TDP1: variants seen among roughly 807,000 people sequenced by gnomAD.
TDP1 encodes the protein tyr-DNA phosphodiesterase 1.
In TDP1, 64 loss-of-function variants were observed where a neutral mutation model predicts 81.5. That is an observed-to-expected ratio of 0.79 (90% CI 0.64 to 0.97). TDP1 has a LOEUF of 0.97. TDP1 is among the 50% of genes least tolerant of loss of function. TDP1 has a pLI of 0.00. For missense variants in TDP1, 723 were observed against 743.8 expected, an observed-to-expected ratio of 0.97 and a Z score of 0.33; for synonymous variants, 256 against 264.3, an observed-to-expected ratio of 0.97 and a Z score of 0.30.
chr14:90,027,291 C>A (rs1402199354), intron 15 of TDP1, among the ~76,000 whole-genome samples: 3 of 151,966 alleles, frequency 2.0e-5, no homozygotes, highest in Non-Finnish European at 4.4e-5. Context: ...ATGAACTGAC[C>A]CTTCCCTCCC....
At chr14:89,979,796 C>CCT (rs1894772481) in intron 7 of TDP1, among the ~76,000 whole-genome samples, 1 of 152,000 alleles carries the variant, frequency 6.6e-6, no homozygotes, top group Non-Finnish European at 1.5e-5. Context: ...TATCCTATTC[C>CCT]CTCTCTCTCA....
intron 16 of TDP1, among the ~76,000 whole-genome samples, chr14:90,041,872 G>A (rs1248602055): frequency 1.3e-5 from 2 of 152,200 alleles, no homozygotes; most frequent in East Asian, 3.9e-4. Flanking sequence ...CATCAGTTAA[G>A]ATGAAGAAAA....
chr14:90,009,472 A>AT lies in TDP1; in HGVS notation c.1542-9842dup, dbSNP rs1404551352. 5.9e-5 allele frequency among the ~76,000 whole-genome samples: 9 copies of AT among 152,154 alleles called. 1 individual carries two copies. The highest frequency in any genetic ancestry group is 2.2e-4 in the African/African-American group (9 of 41,442). ...GGTAGAAGTCTCATGCTACAGAGAG[A>AT]TTAAGATGAGAGTAAAGAAGTTTCC... On this transcript the variant is annotated intron_variant, in intron 14 of 16. Transcript: ENST00000335725.
rs74080533 is a variant in TDP1, at chr14:89,963,787, A to C, written c.559+114A>C. 2.9e-4 allele frequency: 369 copies of C among 1,290,454 alleles called. 1 individual carries two copies. In the African/African-American group the frequency reaches 4.2e-3, roughly 15 times the overall value. The allele number at this position is 1,290,454 out of a possible 1,614,324, so 79.9% of individuals were successfully genotyped here. A position where few individuals can be genotyped will look rare whatever the true frequency, so the allele number is the denominator to read the frequency against. On this transcript the variant is annotated intron_variant, in intron 3 of 16. Coordinates refer to ENST00000335725, the MANE Select transcript of TDP1 (RefSeq NM_018319.4). ...CTGAGAACTCTTCTTTGTGTTCTTA[A>C]CTACTTTCAGGAAAAAAATTCTTGA...
chr14:89,957,552 G>T (rs1017934419), intron 2 of TDP1, among the ~76,000 whole-genome samples: 1 of 152,228 alleles, frequency 6.6e-6, no homozygotes, highest in Non-Finnish European at 1.5e-5. Context: ...AGGCCCAGCT[G>T]ATGGTCTTTA....
rs534921730 is a variant in TDP1, at chr14:89,969,287, G to T, written c.659+1865G>T. ...GGACGAAAGTGTCCTCCTTCTCCCTGCATCCCCTTATTGCCAAATGCATCT... is the reference window on the plus strand; with the variant it reads ...GGACGAAAGTGTCCTCCTTCTCCCTTCATCCCCTTATTGCCAAATGCATCT... On this transcript the variant is annotated intron_variant, in intron 5 of 16. Transcript: ENST00000335725. Among the ~76,000 whole-genome samples the T allele has an allele frequency of 2.0e-5, 3 of 152,270 alleles. No homozygotes were observed. The South Asian group carries it at 6.2e-4, about 32-fold the overall frequency.
intron 14 of TDP1, among the ~76,000 whole-genome samples, chr14:90,012,153 T>C (rs1884785557): frequency 6.6e-6 from 1 of 152,194 alleles, no homozygotes; most frequent in African/African-American, 2.4e-5. Context: ...CAAGCCTTGG[T>C]GGCTTACACA....
intron 7 of TDP1, 28 bp downstream of exon 7, chr14:89,975,843 C>A: frequency 6.3e-7 from 1 of 1,590,312 alleles, no homozygotes; most frequent in Non-Finnish European, 8.6e-7. Context: ...AATAGGGGAA[C>A]CCCTCAAGCA....
In TDP1 at chr14:89,984,545, T is replaced by C. The variant is rs367992333; in HGVS notation, c.914T>C (p.Ile305Thr). 1.2e-6 allele frequency: 2 copies of C among 1,614,030 alleles called. No individual in the cohort carries two copies. The highest frequency in any genetic ancestry group is 2.7e-5 in the African/African-American group (2 of 74,926). Residue 305 changes from isoleucine to threonine, a missense_variant, in exon 9 of 17, where the codon ATT (isoleucine) becomes ACT (threonine). Transcript: ENST00000335725. ...GIWLSPLYPRIADGTHKSGES... is the reference protein window; with the variant it reads ...GIWLSPLYPRTADGTHKSGES... ...TGGTTGAGCCCCTTATACCCACGAATTGCTGATGGAACCCACAAATCTGGA... is the reference window on the plus strand; with the variant it reads ...TGGTTGAGCCCCTTATACCCACGAACTGCTGATGGAACCCACAAATCTGGA...
At chr14:89,966,819 A>T (rs181709225) in intron 4 of TDP1, 12 of 200,608 alleles carry the variant, frequency 6.0e-5, no homozygotes, top group African/African-American at 2.8e-4. Context: ...AGGATTACCC[A>T]GGTATGGGGA....
Position 89,988,164 on chromosome 14 carries a change from C to A in TDP1, c.1132-741C>A, listed in dbSNP as rs567159406. ...GGAAGGGGCACAGAGCTTTCATGCC[C>A]TCTCTGGATGCACCACCACTGTCCA... is the stretch of plus-strand genomic sequence containing the variant. On this transcript the variant is annotated intron_variant, in intron 10 of 16. Coordinates refer to ENST00000335725, the MANE Select transcript of TDP1 (RefSeq NM_018319.4). Among the ~76,000 whole-genome samples the A allele has an allele frequency of 8.5e-5, 13 of 152,342 alleles. 1 individual carries two copies. The South Asian group carries it at 2.7e-3, about 32-fold the overall frequency.
chr14:89,966,270 G>T lies in TDP1; in HGVS notation c.603+80G>T, dbSNP rs1020869771. The T allele has an allele frequency of 1.7e-5, 16 of 947,952 alleles. No individual in the cohort carries two copies. The African/African-American group carries it at 2.2e-4, about 13-fold the overall frequency. The allele number at this position is 947,952 out of a possible 1,614,324, so 58.7% of individuals were successfully genotyped here. On this transcript the variant is annotated intron_variant, in intron 4 of 16. Coordinates refer to ENST00000335725, the MANE Select transcript of TDP1 (RefSeq NM_018319.4). ...ACAACTCCATAAGAAAATATGAGAG[G>T]CATAGTTTGGGGATCTCAGTCCTGT... is the stretch of plus-strand genomic sequence containing the variant.
chr14:89,956,012 C>T (rs369947795), intron 1 of TDP1, 42 bp downstream of exon 1: 1 of 152,820 alleles, frequency 6.5e-6, no homozygotes, highest in African/African-American at 2.4e-5. Flanking sequence ...GGTGCGGTCT[C>T]TCGCGGGCTG....
At chr14:90,033,679 T>C (rs998340392) in intron 16 of TDP1, 1 of 202,428 alleles carries the variant, frequency 4.9e-6, no homozygotes, top group Non-Finnish European at 1.0e-5. Context: ...TGAATGCGTA[T>C]CACTTTCACA....
At chr14:89,972,854 A>G (rs1893825406) in intron 6 of TDP1, among the ~76,000 whole-genome samples, 1 of 152,206 alleles carries the variant, frequency 6.6e-6, no homozygotes, top group African/African-American at 2.4e-5. Flanking sequence ...AGCTTAGTGA[A>G]ATTGGCAAAA....
chr14:89,962,508 T>G (rs917636629), intron 2 of TDP1, among the ~76,000 whole-genome samples: 3 of 152,186 alleles, frequency 2.0e-5, no homozygotes, highest in Non-Finnish European at 4.4e-5. Context: ...TGTTTTATTT[T>G]GGCATTTGTC....
At chr14:89,992,978 C>A (rs1434465325) in intron 13 of TDP1, 2 of 975,874 alleles carry the variant, frequency 2.0e-6, no homozygotes, top group Non-Finnish European at 2.4e-6. Flanking sequence ...TATTTTGTTT[C>A]ATTCAACAAG....
At chr14:89,975,654 G>C (rs1596532838) in intron 6 of TDP1, 127 bp from the exon 7 acceptor site, 1 of 970,048 alleles carries the variant, frequency 1.0e-6, no homozygotes, top group African/African-American at 1.7e-5. Context: ...TCAAGGGCTT[G>C]CCTGGTAGAG....
chr14:89,963,424 C>G lies in TDP1; in HGVS notation c.310C>G (p.Gln104Glu). 1 of 1,614,130 alleles carries G rather than the reference C, an allele frequency of 6.2e-7. No homozygotes were observed. Among genetic ancestry groups the G allele is most frequent in the Non-Finnish European group, 8.5e-7 (1 of 1,179,988 alleles). ...GCTGCAACCAGAAATGCCGCAGAAG[C>G]AGGCTGAGAAAGTGGTGATCAAAAA... Reference protein sequence around the residue: ...DELQPEMPQKQAEKVVIKKEK... With the variant: ...DELQPEMPQKEAEKVVIKKEK... Residue 104 changes from glutamine to glutamate, a missense_variant, in exon 3 of 17, where the codon CAG becomes GAG. Gln to Glu is a conservative substitution (Grantham distance 29). Transcript: ENST00000335725.
Sources: gnomAD v4.1 joint callset for allele counts (sites outside exome capture counted in the v4.1 genomes callset) on GRCh38, gnomAD v4.1.1 for gene constraint, MANE v1.5 for transcripts, NCBI Gene and HGNC (gene_info 2026-07-23, HGNC 2026-07-21) for gene names.